The following ZNF443 variants were observed in gnomAD, a reference collection of about 807,000 sequenced individuals.
ZNF443 encodes the protein Kruppel-type zinc finger (C2H2).
In ZNF443, 3 loss-of-function variants were observed where a neutral mutation model predicts 12.0. The ratio of observed to expected loss-of-function variants is 0.25; its 90% CI spans 0.11 to 0.64. The LOEUF (loss-of-function observed/expected upper bound fraction) is 0.64, where lower values mean the gene tolerates loss of function less well. ZNF443 is among the 30% of genes least tolerant of loss of function. The pLI is 0.84. For synonymous variants in ZNF443, 225 were observed against 265.9 expected, an observed-to-expected ratio of 0.85 and a Z score of 1.50; for missense variants, 770 against 808.8, an observed-to-expected ratio of 0.95 and a Z score of 0.58.
rs768603262 is a variant in ZNF443 at position 12,431,518 on chromosome 19, C to T, written c.654G>A (p.Thr218=). The part of the protein sequence containing the change: ...WPSLLHMHER[T]HTGEKPYECK... ...ATTCATATGGTTTCTCTCCAGTGTG[C>T]GTTCTTTCATGCATATGTAATAAAC... Residue 218 remains threonine, a synonymous_variant, in exon 4 of 4, where the codon ACG becomes ACA. Transcript: ENST00000301547. 4.2e-5 allele frequency: 67 copies of T among 1,613,922 alleles called. No individual in the cohort carries two copies. The Middle Eastern group carries it at 8.2e-4, about 20-fold the overall frequency.
At chr19:12,435,610 A>G (rs1970301264) in intron 1 of ZNF443, among the ~76,000 whole-genome samples, 1 of 152,290 alleles carries the variant, frequency 6.6e-6, no homozygotes, top group Admixed American at 6.5e-5. Context: ...TAAGCAGAAC[A>G]TAAAGCATAA....
rs143365673 is a variant in ZNF443 at position 12,431,045 on chromosome 19, C to T, written c.1127G>A (p.Cys376Tyr). 319 of 1,613,062 alleles carry T rather than the reference C, an allele frequency of 2.0e-4. No homozygotes were observed. Among genetic ancestry groups the T allele is most frequent in the Non-Finnish European group, 2.5e-4 (294 of 1,179,752 alleles). Reference sequence around the variant, plus strand: ...TTCATGACTTTGCAGTGAACTAGGACAATCAAAGCCTTTCCCACATATCTT... The same window carrying T: ...TTCATGACTTTGCAGTGAACTAGGATAATCAAAGCCTTTCCCACATATCTT... The part of the protein sequence containing the change: ...KCKICGKGFD[C>Y]PSSLQSHERT... Residue 376 changes from cysteine to tyrosine, a missense_variant, in exon 4 of 4, where the codon TGT (cysteine) becomes TAT (tyrosine). Physicochemically the swap from Cys to Tyr is radical, Grantham distance 194. Transcript: ENST00000301547.
chr19:12,435,124 T>C (rs1328675441), intron 1 of ZNF443, among the ~76,000 whole-genome samples: 1 of 152,050 alleles, frequency 6.6e-6, no homozygotes, highest in African/African-American at 2.4e-5. Context: ...AGTACAGGAA[T>C]GCTCAAACAC....
Position 12,430,797 on chromosome 19 carries a change from G to T in ZNF443, c.1375C>A (p.Arg459Ser). ...TGCCTTCGAAGGGAACTGGAAATACGGTAGGCTTTGCCACATTGTTTACAT... is the reference window on the plus strand; with the variant it reads ...TGCCTTCGAAGGGAACTGGAAATACTGTAGGCTTTGCCACATTGTTTACAT... ...YKCKQCGKAY[R>S]ISSSLRRHET... is the part of the protein sequence containing the mutation. The change falls in exon 4 of 4, where the codon CGT (arginine) becomes AGT (serine). Residue 459 changes from arginine to serine, a missense_variant. Transcript: ENST00000301547. The T allele has an allele frequency of 1.2e-6, 2 of 1,613,988 alleles. No homozygotes were observed. Among genetic ancestry groups the T allele is most frequent in the Non-Finnish European group, 1.7e-6 (2 of 1,179,952 alleles).
chr19:12,431,697 G>A lies in ZNF443; in HGVS notation c.475C>T (p.His159Tyr), dbSNP rs140794195. The change falls in exon 4 of 4, where the codon CAT (histidine) becomes TAT (tyrosine). Residue 159 changes from histidine (H) to tyrosine (Y), a missense_variant. Coordinates refer to ENST00000301547, the MANE Select transcript of ZNF443 (RefSeq NM_005815.5). ...AFSYHNSFQT[H>Y]ERLHTGKKPY... ...TTCTTTCCAGTGTGAAGCCTCTCAT[G>A]TGTTTGAAATGAGTTGTGGTAACTG... 27 of 1,614,186 alleles carry A rather than the reference G, an allele frequency of 1.7e-5. No individual in the cohort carries two copies. The African/African-American group carries it at 2.8e-4, about 17-fold the overall frequency.
chr19:12,433,279 G>T, intron 1 of ZNF443, 82 bp from the exon 2 acceptor site: 1 of 1,463,142 alleles, frequency 6.8e-7, no homozygotes, highest in East Asian at 2.5e-5. Flanking sequence ...AATTTCACAT[G>T]ATGCTGTGGT....
In ZNF443 at chr19:12,430,146, A is replaced by T. The variant is rs375082313; in HGVS notation, c.*10T>A. The T allele has an allele frequency of 6.8e-6, 11 of 1,611,132 alleles. No homozygotes were observed. Among genetic ancestry groups the T allele is most frequent in the African/African-American group, 1.3e-5 (1 of 74,704 alleles). On this transcript the variant is annotated 3_prime_UTR_variant, in exon 4 of 4. Coordinates refer to ENST00000301547, the MANE Select transcript of ZNF443 (RefSeq NM_005815.5). Reference sequence around the variant, plus strand: ...ATGCTTTCCCACATTCCATACATTTAGAGAGAATGCTAGTGAGTCTTTTTA... The same window carrying T: ...ATGCTTTCCCACATTCCATACATTTTGAGAGAATGCTAGTGAGTCTTTTTA...
At position 12,431,652 on chromosome 19, in the gene ZNF443, A is replaced by G. The variant is rs550796095; in HGVS notation, c.520T>C (p.Cys174Arg). 3.1e-6 allele frequency: 5 copies of G among 1,614,158 alleles called. No individual in the cohort carries two copies. The highest frequency in any genetic ancestry group is 1.7e-5 in the Admixed American group (1 of 60,022). Residue 174 changes from cysteine to arginine, a missense_variant, in exon 4 of 4, where the codon TGT (cysteine) becomes CGT (arginine). Coordinates refer to ENST00000301547, the MANE Select transcript of ZNF443 (RefSeq NM_005815.5). ...CCCAAAGAACTGAAGGACTTCCCAC[A>G]TTCTTTACAATCATATGGTTTCTTT... ...TGKKPYDCKE[C>R]GKSFSSLGNL...
In ZNF443 at chr19:12,434,191, C is replaced by T. The variant is rs547467816; in HGVS notation, c.4-994G>A. Among the ~76,000 whole-genome samples, 4 of 152,320 alleles carry T rather than the reference C, an allele frequency of 2.6e-5. No homozygotes were observed. In the South Asian group the frequency reaches 8.3e-4, roughly 32 times the overall value. On this transcript the variant is annotated intron_variant, in intron 1 of 3. Coordinates refer to ENST00000301547, the MANE Select transcript of ZNF443 (RefSeq NM_005815.5). ...ATGAATTACAAGAAACAGGCTAAGA[C>T]AGCTACAAAGAAACACTCTGGGCAT...
In ZNF443 at chr19:12,431,313, A is replaced by G. The variant is rs1165862051; in HGVS notation, c.859T>C (p.Ser287Pro). The part of the protein sequence containing the change: ...GEKPYKCKQC[S>P]KAFPDSSSCL... ...GAACTGGAATCAGGGAAGGCTTTAG[A>G]ACACTGCTTACATTTATATGGTTTC... is the stretch of plus-strand genomic sequence containing the variant. The change falls in exon 4 of 4, where the codon TCT becomes CCT. Residue 287 changes from serine (S) to proline (P), a missense_variant. Physicochemically the swap from Ser to Pro is moderately conservative, Grantham distance 74 (BLOSUM62 -1). This residue lies in a region of ZNF443 where 736 missense variants were observed against 689.4 expected (regional missense o/e 1.07). Coordinates refer to ENST00000301547, the MANE Select transcript of ZNF443 (RefSeq NM_005815.5). The G allele has an allele frequency of 6.2e-7, 1 of 1,614,092 alleles. No individual in the cohort carries two copies. The highest frequency in any genetic ancestry group is 8.5e-7 in the Non-Finnish European group (1 of 1,179,980).
chr19:12,436,440 A>C (rs977974792), intron 1 of ZNF443, among the ~76,000 whole-genome samples: 8 of 151,952 alleles, frequency 5.3e-5, no homozygotes, highest in Middle Eastern at 6.8e-3. Flanking sequence ...AGATCGTGCC[A>C]CTGCACTTCA....
In ZNF443 at chr19:12,431,040, T is replaced by C; in HGVS notation, c.1132A>G (p.Ser378Gly). ...KICGKGFDCP[S>G]SLQSHERTHT... Reference sequence around the variant, plus strand: ...GTTCTTTCATGACTTTGCAGTGAACTAGGACAATCAAAGCCTTTCCCACAT... The same window carrying C: ...GTTCTTTCATGACTTTGCAGTGAACCAGGACAATCAAAGCCTTTCCCACAT... Residue 378 changes from serine (S) to glycine (G), a missense_variant, in exon 4 of 4, where the codon AGT becomes GGT. By Grantham distance (56) the Ser-to-Gly change is moderately conservative (BLOSUM62 0). Coordinates refer to ENST00000301547, the MANE Select transcript of ZNF443 (RefSeq NM_005815.5). 2 of 1,614,118 alleles carry C rather than the reference T, an allele frequency of 1.2e-6. No individual in the cohort carries two copies. The highest frequency in any genetic ancestry group is 1.7e-6 in the Non-Finnish European group (2 of 1,179,962).
At chr19:12,433,839 G>GAAA (rs202135918) in intron 1 of ZNF443, among the ~76,000 whole-genome samples, 2 of 115,110 alleles carry the variant, frequency 1.7e-5, no homozygotes, top group African/African-American at 6.1e-5. Flanking sequence ...CAAAGTGGCA[G>GAAA]AAAAAAAAAA....
chr19:12,431,104 C>T lies in ZNF443; in HGVS notation c.1068G>A (p.Met356Ile), dbSNP rs779999043. The T allele has an allele frequency of 6.8e-6, 11 of 1,613,936 alleles. No individual in the cohort carries two copies. Among genetic ancestry groups the T allele is most frequent in the Non-Finnish European group, 9.3e-6 (11 of 1,179,982 alleles). ...FHHLGSFQRH[M>I]IRHTGNGPHK... is the part of the protein sequence containing the mutation. ...GAGGTCCATTTCCAGTGTGCCTTAT[C>T]ATGTGTCTTTGAAAGCTTCCCAGAT... The change falls in exon 4 of 4, where the codon ATG (methionine) becomes ATA (isoleucine). Residue 356 changes from methionine to isoleucine, a missense_variant. Met to Ile is a conservative substitution (Grantham distance 10). Around this residue, in one of 3 missense-constraint regions of ZNF443, gnomAD observed 736 missense variants for 689.4 expected, o/e 1.07. Coordinates refer to ENST00000301547, the MANE Select transcript of ZNF443 (RefSeq NM_005815.5).
chr19:12,432,035 G>C, intron 3 of ZNF443, 55 bp from the exon 4 acceptor site: 1 of 1,299,716 alleles, frequency 7.7e-7, no homozygotes, highest in Non-Finnish European at 1.0e-6. Flanking sequence ...AATTGTATAG[G>C]TATTAATAAG....
Position 12,431,998 on chromosome 19 carries a change from T to C in ZNF443, c.192-18A>G. 2 of 1,526,936 alleles carry C rather than the reference T, an allele frequency of 1.3e-6. No homozygotes were observed. Among genetic ancestry groups the C allele is most frequent in the Non-Finnish European group, 1.8e-6 (2 of 1,138,156 alleles). 94.6% of individuals were successfully genotyped at this position (1,526,936 alleles called of 1,614,324 possible). A position where few individuals can be genotyped will look rare whatever the true frequency, so the allele number is the denominator to read the frequency against. ...TACGACATCTGTAAAAAATGGGAAA[T>C]ATATCACTAAAAGTCGGTCTATAAA... On this transcript the variant is annotated intron_variant, in intron 3 of 3. Coordinates refer to ENST00000301547, the MANE Select transcript of ZNF443 (RefSeq NM_005815.5).
chr19:12,437,248 TA>T (rs71166678), intron 1 of ZNF443, among the ~76,000 whole-genome samples: 49,014 of 149,142 alleles, frequency 0.33, 8,435 homozygotes, highest in South Asian at 0.47. Flanking sequence ...ATTAAATAAA[TA>T]AAAAAAAAAT....
rs1447229138 is a variant in ZNF443, at chr19:12,430,470, C to T, written c.1702G>A (p.Ala568Thr). 4 of 1,613,992 alleles carry T rather than the reference C, an allele frequency of 2.5e-6. No individual in the cohort carries two copies. Among genetic ancestry groups the T allele is most frequent in the African/African-American group, 1.3e-5 (1 of 74,934 alleles). The stretch of plus-strand genomic sequence containing the variant: ...AGAAAGCAAGTGAGCCAAGAGAATG[C>T]TTTCCCACATTCCTTACATTCATAC... ...KPYECKECGK[A>T]FSWLTCFLRH... Residue 568 changes from alanine to threonine, a missense_variant, in exon 4 of 4, where the codon GCA becomes ACA. Transcript: ENST00000301547.
intron 1 of ZNF443, among the ~76,000 whole-genome samples, chr19:12,440,481 C>G (rs929961245): frequency 6.6e-6 from 1 of 152,174 alleles, no homozygotes; most frequent in African/African-American, 2.4e-5. Flanking sequence ...TCCCCACCAA[C>G]CAAGGACGCT....
Sources: gnomAD v4.1 joint callset for allele counts (sites outside exome capture counted in the v4.1 genomes callset) on GRCh38, gnomAD v4.1.1 for gene constraint, gnomAD v4.1.1 regional missense constraint, MANE v1.5 for transcripts, NCBI Gene and HGNC (gene_info 2026-07-23, HGNC 2026-07-21) for gene names.